TSC22D1: variants seen among roughly 807,000 people sequenced by gnomAD.
TSC22D1 encodes the protein TSC22 domain family member 1.
A neutral mutation model predicts 74.2 loss-of-function variants in TSC22D1; 9 were observed. That is an observed-to-expected ratio of 0.12 (90% CI 0.07 to 0.21). The LOEUF is 0.21. Ranked by LOEUF, TSC22D1 falls within the 10% of genes least tolerant of loss-of-function variation. The pLI is 1.00. For missense variants in TSC22D1, 1,427 were observed against 1,304.7 expected, an observed-to-expected ratio of 1.09 and a Z score of -1.44; for synonymous variants, 586 against 492.5, an observed-to-expected ratio of 1.19 and a Z score of -2.51.
chr13:44,501,812 AAC>A (rs1879231473), intron 1 of TSC22D1, among the ~76,000 whole-genome samples: 1 of 152,196 alleles, frequency 6.6e-6, no homozygotes, highest in African/African-American at 2.4e-5. Flanking sequence ...CATAAGCGCT[AAC>A]ACATGTGCTG....
At chr13:44,569,734 T>C (rs1182206898) in intron 1 of TSC22D1, among the ~76,000 whole-genome samples, 1 of 152,202 alleles carries the variant, frequency 6.6e-6, no homozygotes, top group African/African-American at 2.4e-5. Context: ...GCAAGTCTTT[T>C]TATTCAGTTC....
intron 2 of TSC22D1, 156 bp downstream of exon 2, chr13:44,435,888 G>A: frequency 2.6e-6 from 2 of 778,926 alleles, no homozygotes; most frequent in East Asian, 5.6e-5. Context: ...CGTGGTAGGT[G>A]GCTCCACGCT....
intron 1 of TSC22D1, among the ~76,000 whole-genome samples, chr13:44,546,748 A>ATG (rs1177933369): frequency 2.4e-5 from 1 of 41,660 alleles, no homozygotes; most frequent in Non-Finnish European, 4.7e-5. Flanking sequence ...TGTGTGAAAT[A>ATG]CGTGTGTGTG....
At chr13:44,466,760 A>G (rs909080695) in intron 1 of TSC22D1, among the ~76,000 whole-genome samples, 1 of 151,574 alleles carries the variant, frequency 6.6e-6, no homozygotes. Context: ...ACAGAATGAG[A>G]CCGTGTCTCA....
chr13:44,457,292 C>T (rs919637292), intron 1 of TSC22D1, among the ~76,000 whole-genome samples: 4 of 152,272 alleles, frequency 2.6e-5, no homozygotes, highest in Middle Eastern at 3.4e-3. Context: ...GCTATTCTTT[C>T]GCAAAGGATA....
intron 1 of TSC22D1, among the ~76,000 whole-genome samples, chr13:44,531,963 CAA>C (rs1566156782): frequency 1.3e-5 from 2 of 152,160 alleles, no homozygotes; most frequent in Non-Finnish European, 2.9e-5. Flanking sequence ...TTACTAAACT[CAA>C]GTTTATTTTC....
At chr13:44,545,582 GAA>G (rs199880936) in intron 1 of TSC22D1, among the ~76,000 whole-genome samples, 12 of 116,914 alleles carry the variant, frequency 1.0e-4, no homozygotes, top group East Asian at 2.5e-4. Flanking sequence ...ATAAGGTACT[GAA>G]AAAAAAAAAA....
chr13:44,541,973 C>G (rs1198289590), intron 1 of TSC22D1, among the ~76,000 whole-genome samples: 1 of 152,016 alleles, frequency 6.6e-6, no homozygotes, highest in Non-Finnish European at 1.5e-5. Flanking sequence ...AATCAATTTC[C>G]TTGACAAATT....
intron 1 of TSC22D1, among the ~76,000 whole-genome samples, chr13:44,483,428 G>A (rs1339869949): frequency 6.6e-6 from 1 of 152,308 alleles, no homozygotes; most frequent in African/African-American, 2.4e-5. Flanking sequence ...TTGGGAGGCC[G>A]AGGCAGACGG....
chr13:44,526,625 C>G (rs1880560616), intron 1 of TSC22D1, among the ~76,000 whole-genome samples: 1 of 152,168 alleles, frequency 6.6e-6, no homozygotes, highest in African/African-American at 2.4e-5. Flanking sequence ...TAAGTCCATC[C>G]TGAGTGAAAA....
At chr13:44,536,407 TA>T (rs1352682474) in intron 1 of TSC22D1, among the ~76,000 whole-genome samples, 1 of 151,880 alleles carries the variant, frequency 6.6e-6, no homozygotes, top group East Asian at 1.9e-4. Context: ...TTCAATTAAG[TA>T]AAATTATGTA....
chr13:44,532,453 G>A (rs1472659906), intron 1 of TSC22D1, among the ~76,000 whole-genome samples: 1 of 152,066 alleles, frequency 6.6e-6, no homozygotes, highest in Non-Finnish European at 1.5e-5. Flanking sequence ...AACAGAAGCT[G>A]CAGTGCGCTC....
chr13:44,570,334 G>A (rs1366623821), intron 1 of TSC22D1, among the ~76,000 whole-genome samples: 1 of 151,870 alleles, frequency 6.6e-6, no homozygotes, highest in East Asian at 1.9e-4. Flanking sequence ...GGAACTACAG[G>A]CATGCGCCAC....
At chr13:44,572,329 TAC>T (rs1418697050) in intron 1 of TSC22D1, among the ~76,000 whole-genome samples, 1 of 152,236 alleles carries the variant, frequency 6.6e-6, no homozygotes, top group Non-Finnish European at 1.5e-5. Flanking sequence ...TTTAATAATG[TAC>T]TTTAGGCTTT....
At chr13:44,549,814 G>T (rs953740715) in intron 1 of TSC22D1, among the ~76,000 whole-genome samples, 2 of 148,944 alleles carry the variant, frequency 1.3e-5, no homozygotes, top group Non-Finnish European at 3.0e-5. Flanking sequence ...GCGGCGGCAA[G>T]AACAGCAAGC....
At chr13:44,484,928 A>G (rs17210954) in intron 1 of TSC22D1, among the ~76,000 whole-genome samples, 4,230 of 152,342 alleles carry the variant, frequency 0.028, 105 homozygotes, top group Non-Finnish European at 0.042. Flanking sequence ...ACTATAACTC[A>G]GGAAGTCACT....
chr13:44,530,335 C>T (rs1880764897), intron 1 of TSC22D1, among the ~76,000 whole-genome samples: 1 of 152,076 alleles, frequency 6.6e-6, no homozygotes, highest in Admixed American at 6.5e-5. Context: ...AACAACTGGA[C>T]ATCATATGTC....
At chr13:44,546,930 T>C (rs982328698) in intron 1 of TSC22D1, among the ~76,000 whole-genome samples, 3 of 152,074 alleles carry the variant, frequency 2.0e-5, no homozygotes, top group Admixed American at 6.5e-5. Context: ...ACCACCATGC[T>C]TGGCTAATTT....
intron 2 of TSC22D1, among the ~76,000 whole-genome samples, chr13:44,435,491 A>T (rs1874508470): frequency 1.3e-5 from 2 of 152,198 alleles, no homozygotes. Flanking sequence ...TGCTCCAATA[A>T]CAAAGAACGG....
Sources: gnomAD v4.1 joint callset for allele counts (sites outside exome capture counted in the v4.1 genomes callset) on GRCh38, gnomAD v4.1.1 for gene constraint, MANE v1.5 for transcripts, NCBI Gene and HGNC (gene_info 2026-07-23, HGNC 2026-07-21) for gene names.